TEF: variants seen among roughly 807,000 people sequenced by gnomAD.
The protein encoded by TEF is TEF transcription factor, PAR bZIP family member, also known as thyrotroph embryonic factor.
A neutral mutation model predicts 20.8 loss-of-function variants in TEF; 3 were observed. That is an observed-to-expected ratio of 0.14 (90% CI 0.07 to 0.37). TEF has a LOEUF of 0.37. Ranked by LOEUF, TEF falls within the 10% of genes least tolerant of loss-of-function variation. The probability of loss-of-function intolerance (pLI) is 1.00; values close to 1 mark genes in which losing one functional copy is unlikely to be tolerated. For missense variants in TEF, 296 were observed against 397.9 expected (o/e 0.74, Z 2.18); for synonymous variants, 180 against 171.1 (o/e 1.05, Z -0.41).
chr22:41,390,848 TC>T (rs2037156625), intron 2 of TEF, among the ~76,000 whole-genome samples: 1 of 152,174 alleles, frequency 6.6e-6, no homozygotes, highest in Non-Finnish European at 1.5e-5. Context: ...AAATGAGAAT[TC>T]CTCAAAATCT....
chr22:41,371,366 C>T (rs1421191199), intron 1 of TEF, among the ~76,000 whole-genome samples: 5 of 152,276 alleles, frequency 3.3e-5, no homozygotes, highest in East Asian at 3.9e-4. Context: ...GGCATCCCCA[C>T]GTAGGGGCAC....
At position 41,396,728 on chromosome 22, in the gene TEF, C is replaced by G. The variant is rs941569083; in HGVS notation, c.*768C>G. 1 of 390,156 alleles carries G rather than the reference C, an allele frequency of 2.6e-6. No individual in the cohort carries two copies. The highest frequency in any genetic ancestry group is 4.5e-6 in the Non-Finnish European group (1 of 221,240). The allele number at this position is 390,156 out of a possible 1,614,324, so 24.2% of individuals were successfully genotyped here. On this transcript the variant is annotated 3_prime_UTR_variant, in exon 4 of 4. Coordinates refer to ENST00000266304, the MANE Select transcript of TEF (RefSeq NM_003216.4). ...GTGCCAGGGCTGAGAGAGGCCTCTT[C>G]ATTTCCTCTCCAGGCTACTCAGAGG...
At chr22:41,382,960 A>G (rs1278016774) in intron 1 of TEF, 6 of 470,898 alleles carry the variant, frequency 1.3e-5, no homozygotes, top group Admixed American at 2.4e-5. Flanking sequence ...CTAGGCCAGG[A>G]ACGTCACTGG....
At chr22:41,383,112 A>T (rs539308314) in intron 1 of TEF, 1 of 456,846 alleles carries the variant, frequency 2.2e-6, no homozygotes, top group East Asian at 7.0e-5. Flanking sequence ...TCCAAGAGCC[A>T]TCAGTTATTC....
At chr22:41,382,480 C>T (rs528412431) in intron 1 of TEF, among the ~76,000 whole-genome samples, 28 of 151,112 alleles carry the variant, frequency 1.9e-4, no homozygotes, top group African/African-American at 6.7e-4. Flanking sequence ...GCTCCAGGGC[C>T]CCTCCCCCGG....
rs1201044834 is a variant in TEF, at chr22:41,392,724, A to ACAT, written c.476-1371_476-1369dup. On this transcript the variant is annotated intron_variant, in intron 2 of 3. Coordinates refer to ENST00000266304, the MANE Select transcript of TEF (RefSeq NM_003216.4). Reference sequence around the variant, plus strand: ...AAGTGACTAGATGGCACAGTAACAGACATGTCTCAGGGACTCAAAAGTGGA... The same window carrying ACAT: ...AAGTGACTAGATGGCACAGTAACAGACATCATGTCTCAGGGACTCAAAAGTGGA... 2.7e-5 allele frequency among the ~76,000 whole-genome samples: 4 copies of ACAT among 149,036 alleles called. No homozygotes were observed. The Admixed American group carries it at 2.7e-4, about 10-fold the overall frequency.
At chr22:41,379,864 G>A (rs1330075193), upstream of TEF, among the ~76,000 whole-genome samples, 1 of 145,380 alleles carries the variant, frequency 6.9e-6, no homozygotes, top group Non-Finnish European at 1.5e-5. Flanking sequence ...TTGCACTCCA[G>A]CCTGGGCAAC....
chr22:41,390,143 A>G (rs1452303799), intron 2 of TEF, among the ~76,000 whole-genome samples: 2 of 151,922 alleles, frequency 1.3e-5, no homozygotes, highest in Non-Finnish European at 2.9e-5. Context: ...CACCTGCCTC[A>G]CCTTCCAAAG....
intron 1 of TEF, among the ~76,000 whole-genome samples, chr22:41,375,130 T>C (rs903365271): frequency 1.3e-5 from 2 of 152,148 alleles, no homozygotes; most frequent in African/African-American, 4.8e-5. Context: ...GGCTTCTCTC[T>C]GGAAAGGGCA....
Position 41,382,086 on chromosome 22 carries a change from G to C in TEF, c.42G>C (p.Pro14=). 8.1e-7 allele frequency: 1 copy of C among 1,232,152 alleles called. No individual in the cohort carries two copies. The highest frequency in any genetic ancestry group is 1.0e-6 in the Non-Finnish European group (1 of 987,854). The allele number at this position is 1,232,152 out of a possible 1,614,324, so 76.3% of individuals were successfully genotyped here. A position where few individuals can be genotyped will look rare whatever the true frequency, so the allele number is the denominator to read the frequency against. The change falls in exon 1 of 4, where the codon CCG becomes CCC. Residue 14 remains proline (P), a synonymous_variant. Coordinates refer to ENST00000266304, the MANE Select transcript of TEF (RefSeq NM_003216.4). ...AGGGKKPPVD[P]QAGPGPGPGR... The stretch of plus-strand genomic sequence containing the variant: ...GCGGAAAGAAGCCGCCTGTGGACCC[G>C]CAGGCAGGACCCGGTCCGGGGCCGG...
At chr22:41,384,318 CTT>C (rs1313079111) in intron 1 of TEF, among the ~76,000 whole-genome samples, 3 of 152,144 alleles carry the variant, frequency 2.0e-5, no homozygotes, top group Non-Finnish European at 2.9e-5. Context: ...ACATTGCTCT[CTT>C]CTCTTTTTTT....
At chr22:41,369,491 G>A (rs2036855606) in intron 1 of TEF, among the ~76,000 whole-genome samples, 1 of 152,186 alleles carries the variant, frequency 6.6e-6, no homozygotes, top group Admixed American at 6.5e-5. Context: ...GATGCCAGCA[G>A]CCAACTGCTA....
chr22:41,382,481 C>T (rs1185972030), intron 1 of TEF, among the ~76,000 whole-genome samples: 4 of 151,082 alleles, frequency 2.6e-5, no homozygotes, highest in Admixed American at 2.0e-4. Context: ...CTCCAGGGCC[C>T]CTCCCCCGGG....
In TEF at chr22:41,394,227, C is replaced by T. The variant is rs2037200954; in HGVS notation, c.607C>T (p.Pro203Ser). ...TGTGCCAGGCGGGGAGCTCTTCAACCCTCGGAAGCACAAGTTTGCTGAGGA... is the reference window on the plus strand; with the variant it reads ...TGTGCCAGGCGGGGAGCTCTTCAACTCTCGGAAGCACAAGTTTGCTGAGGA... ...SSVPGGELFN[P>S]RKHKFAEEDL... The change falls in exon 3 of 4, where the codon CCT (proline) becomes TCT (serine). Residue 203 changes from proline to serine, a missense_variant. Pro to Ser is a moderately conservative substitution (Grantham distance 74). Coordinates refer to ENST00000266304, the MANE Select transcript of TEF (RefSeq NM_003216.4). The T allele has an allele frequency of 2.5e-6, 4 of 1,614,024 alleles. No homozygotes were observed. Among genetic ancestry groups the T allele is most frequent in the Non-Finnish European group, 2.5e-6 (3 of 1,180,038 alleles).
chr22:41,395,737 C>T lies in TEF; in HGVS notation c.697-8C>T. The T allele has an allele frequency of 1.2e-6, 2 of 1,611,942 alleles. No individual in the cohort carries two copies. Among genetic ancestry groups the T allele is most frequent in the Non-Finnish European group, 1.7e-6 (2 of 1,178,344 alleles). On this transcript the variant is annotated splice_region_variant and splice_polypyrimidine_tract_variant and intron_variant, in intron 3 of 3. Coordinates refer to ENST00000266304, the MANE Select transcript of TEF (RefSeq NM_003216.4). ...GACGAGAGACTCACAGAGGGCACTT[C>T]CCCACAGGATGAAAAGTACTGGACA...
chr22:41,389,126 C>T (rs758522966), intron 2 of TEF, among the ~76,000 whole-genome samples: 4 of 152,078 alleles, frequency 2.6e-5, no homozygotes, highest in African/African-American at 4.8e-5. Flanking sequence ...ACAGGCCGGG[C>T]GCAGTGGCTC....
At chr22:41,382,992 T>A (rs2037054460) in intron 1 of TEF, 1 of 470,980 alleles carries the variant, frequency 2.1e-6, no homozygotes, top group South Asian at 1.5e-5. Context: ...AAAGCAGGTC[T>A]GGCCTTGTTT....
At chr22:41,380,220 C>T (rs1361527184), upstream of TEF, among the ~76,000 whole-genome samples, 2 of 152,194 alleles carry the variant, frequency 1.3e-5, no homozygotes, top group East Asian at 1.9e-4. Context: ...GGCGCGATCT[C>T]GGCTCCCTGA....
intron 1 of TEF, among the ~76,000 whole-genome samples, chr22:41,371,241 C>T (rs1029988240): frequency 6.6e-6 from 1 of 152,254 alleles, no homozygotes; most frequent in Non-Finnish European, 1.5e-5. Flanking sequence ...CTTAGAGACA[C>T]CTCCTCCCAT....
Sources: allele counts gnomAD v4.1 joint callset (sites outside exome capture counted in the v4.1 genomes callset), GRCh38; gene constraint gnomAD v4.1.1; transcripts MANE v1.5; gene names NCBI Gene and HGNC (gene_info 2026-07-23, HGNC 2026-07-21).